The following SERPINA9 variants were observed in gnomAD, a reference collection of about 807,000 sequenced individuals.
SERPINA9 encodes the protein serpin A9.
SERPINA9 carries 32 observed loss-of-function variants against 24.5 expected under a neutral mutation model. The observed-to-expected ratio is 1.30, with a 90% CI of 0.98 to 1.75. The LOEUF (loss-of-function observed/expected upper bound fraction) is 1.75, where lower values mean the gene tolerates loss of function less well. SERPINA9 is among the 40% of genes most tolerant of loss of function. The probability of loss-of-function intolerance (pLI) is 0.00; values close to 1 mark genes in which losing one functional copy is unlikely to be tolerated. For missense variants in SERPINA9, 594 were observed against 497.1 expected (o/e 1.19, Z -1.85); for synonymous variants, 233 against 197.7 (o/e 1.18, Z -1.50).
chr14:94,467,340 T>C lies in SERPINA9; in HGVS notation c.671A>G (p.Asn224Ser), dbSNP rs1281746086. The change falls in exon 3 of 5, where the codon AAC (asparagine) becomes AGC (serine). Residue 224 changes from asparagine (N) to serine (S), a missense_variant. Asn to Ser is a conservative substitution (Grantham distance 46, BLOSUM62 1). Coordinates refer to ENST00000674397, the MANE Select transcript of SERPINA9 (RefSeq NM_175739.4). The stretch of plus-strand genomic sequence containing the variant: ...CTGCTCGCCCACCAGGAATGGGAAG[T>C]TCTTTCTTGTATATTCAGGGTGAAA... ...KPFHPEYTRK[N>S]FPFLVGEQVT... The C allele has an allele frequency of 6.2e-7, 1 of 1,613,852 alleles. No individual in the cohort carries two copies. The highest frequency in any genetic ancestry group is 1.3e-5 in the African/African-American group (1 of 75,042).
chr14:94,476,077 C>T, intron 1 of SERPINA9, 59 bp downstream of exon 1: 1 of 1,612,806 alleles, frequency 6.2e-7, no homozygotes, highest in East Asian at 2.2e-5. Context: ...TGATCCAGTC[C>T]TTCCCTCTGG....
chr14:94,474,599 C>T (rs996968316), intron 1 of SERPINA9, among the ~76,000 whole-genome samples: 2 of 152,208 alleles, frequency 1.3e-5, no homozygotes, highest in African/African-American at 2.4e-5. Context: ...TTGCTTCTCC[C>T]CACCCTGAAC....
chr14:94,473,382 G>T (rs1339502850), intron 1 of SERPINA9, among the ~76,000 whole-genome samples: 1 of 152,112 alleles, frequency 6.6e-6, no homozygotes, highest in Non-Finnish European at 1.5e-5. Context: ...AGCCAGGCTT[G>T]GTGGCGGGCA....
chr14:94,469,886 G>T, intron 1 of SERPINA9, 29 bp from the exon 2 acceptor site: 1 of 1,487,252 alleles, frequency 6.7e-7, no homozygotes. Flanking sequence ...CCATTGAGGG[G>T]GTAAACTGAG....
rs541685449 is a variant in SERPINA9, at chr14:94,464,939, C to T, written c.903-85G>A. The T allele has an allele frequency of 2.6e-4, 294 of 1,143,348 alleles. 3 individuals carry two copies. The South Asian group carries it at 3.7e-3, about 14-fold the overall frequency. The allele number at this position is 1,143,348 out of a possible 1,614,324, so 70.8% of individuals were successfully genotyped here. On this transcript the variant is annotated intron_variant, in intron 3 of 4. Coordinates refer to ENST00000674397, the MANE Select transcript of SERPINA9 (RefSeq NM_175739.4). ...TCCTAGATGCCATTTTGGGAGACTCCGTTCTTCCTCCAACCACTGCTAATT... is the reference window on the plus strand; with the variant it reads ...TCCTAGATGCCATTTTGGGAGACTCTGTTCTTCCTCCAACCACTGCTAATT...
chr14:94,473,312 A>G (rs1899416445), intron 1 of SERPINA9, among the ~76,000 whole-genome samples: 1 of 152,172 alleles, frequency 6.6e-6, no homozygotes, highest in Admixed American at 6.5e-5. Context: ...TGAGATCAGG[A>G]GTTCCAGACC....
chr14:94,471,393 T>G (rs955567917), intron 1 of SERPINA9, among the ~76,000 whole-genome samples: 1 of 152,208 alleles, frequency 6.6e-6, no homozygotes, highest in South Asian at 2.1e-4. Context: ...CACTTGTCTA[T>G]GTCAGACCAA....
chr14:94,462,875 G>A lies in SERPINA9; in HGVS notation c.*218C>T, dbSNP rs114497878. ...ACATCCCATGAAGCTAGTTACCTGG[G>A]AGAATTTGTGGAAAAGGGCACTGAC... On this transcript the variant is annotated 3_prime_UTR_variant, in exon 5 of 5. Coordinates refer to ENST00000674397, the MANE Select transcript of SERPINA9 (RefSeq NM_175739.4). 2.8e-3 allele frequency: 1,506 copies of A among 542,566 alleles called. 10 individuals carry two copies. Among genetic ancestry groups the A allele is most frequent in the African/African-American group, 0.022 (1,187 of 53,088 alleles). 33.6% of individuals were successfully genotyped at this position (542,566 alleles called of 1,614,324 possible). A position where few individuals can be genotyped will look rare whatever the true frequency, so the allele number is the denominator to read the frequency against.
At chr14:94,465,809 G>A (rs1370024774) in intron 3 of SERPINA9, among the ~76,000 whole-genome samples, 4 of 152,166 alleles carry the variant, frequency 2.6e-5, no homozygotes, top group African/African-American at 7.2e-5. Flanking sequence ...GATTACAGGC[G>A]TGAGTCCAGC....
At chr14:94,464,682 T>C (rs1450116121) in intron 4 of SERPINA9, 25 bp downstream of exon 4, 13 of 1,595,596 alleles carry the variant, frequency 8.1e-6, no homozygotes, top group Non-Finnish European at 1.1e-5. Context: ...TTGGACTTTT[T>C]TGCAAATATT....
At chr14:94,476,002 C>T (rs550442885) in intron 1 of SERPINA9, 134 bp downstream of exon 1, 2 of 1,378,250 alleles carry the variant, frequency 1.5e-6, no homozygotes, top group East Asian at 2.3e-5. Context: ...TAAAAGCCAA[C>T]TAATGTGTCT....
At chr14:94,466,867 ACTTACCC>A (rs1223730039) in intron 3 of SERPINA9, among the ~76,000 whole-genome samples, 2 of 152,182 alleles carry the variant, frequency 1.3e-5, no homozygotes, top group Non-Finnish European at 2.9e-5. Context: ...TGGGCAATTC[ACTTACCC>A]CTTGGAGCCT....
intron 4 of SERPINA9, 110 bp from the exon 5 acceptor site, chr14:94,463,406 G>A: frequency 2.2e-6 from 2 of 913,840 alleles, no homozygotes; most frequent in South Asian, 1.6e-5. Context: ...ACCTTGAAAG[G>A]ATTCAAGGTT....
chr14:94,474,180 C>T (rs1424075004), intron 1 of SERPINA9, among the ~76,000 whole-genome samples: 1 of 152,194 alleles, frequency 6.6e-6, no homozygotes, highest in African/African-American at 2.4e-5. Context: ...GGGGTCTGTG[C>T]CCCTTTCTGT....
intron 1 of SERPINA9, among the ~76,000 whole-genome samples, chr14:94,475,362 G>A (rs527387018): frequency 2.6e-5 from 4 of 152,154 alleles, no homozygotes; most frequent in South Asian, 2.1e-4. Context: ...TTATTCCAGG[G>A]TGGAATGGAT....
Position 94,463,114 on chromosome 14 carries a change from C to T in SERPINA9, c.1233G>A (p.Val411=). The T allele has an allele frequency of 3.7e-6, 6 of 1,614,116 alleles. No individual in the cohort carries two copies. The Admixed American group carries it at 5.0e-5, about 13-fold the overall frequency. ...CCACCTAGGATTTAGTGGGATTTTC[C>T]ACTTTCCCTAGAAAGAGAATACCGT... is the stretch of plus-strand genomic sequence containing the variant. ...ATDGILFLGK[V]ENPTKS The change falls in exon 5 of 5, where the codon GTG becomes GTA. Residue 411 remains valine (V), a synonymous_variant. Coordinates refer to ENST00000674397, the MANE Select transcript of SERPINA9 (RefSeq NM_175739.4).
At chr14:94,472,740 A>G (rs1343763768) in intron 1 of SERPINA9, among the ~76,000 whole-genome samples, 1 of 152,232 alleles carries the variant, frequency 6.6e-6, no homozygotes, top group East Asian at 1.9e-4. Context: ...CACCTATTCC[A>G]TAACAAGAAA....
rs760354488 is a variant in SERPINA9, at chr14:94,463,208, T to G, written c.1139A>C (p.Asp380Ala). The G allele has an allele frequency of 6.2e-7, 1 of 1,614,054 alleles. No homozygotes were observed. Among genetic ancestry groups the G allele is most frequent in the Non-Finnish European group, 8.5e-7 (1 of 1,179,998 alleles). Residue 380 changes from aspartate to alanine, a missense_variant, in exon 5 of 5, where the codon GAT (aspartate) becomes GCT (alanine). By Grantham distance (126) the Asp-to-Ala change is moderately radical (BLOSUM62 -2). Transcript: ENST00000674397. ...GGAGACAGTGAAGTAAGAGGGGCCA[T>G]CCTTCGATCGGACTATGAACTTGGT... ...TTTKFIVRSK[D>A]GPSYFTVSFN... is the part of the protein sequence containing the mutation.
chr14:94,475,953 C>T (rs1899619103), intron 1 of SERPINA9, 183 bp downstream of exon 1: 6 of 784,864 alleles, frequency 7.6e-6, no homozygotes, highest in South Asian at 1.8e-5. Flanking sequence ...CCACTCCAGC[C>T]TGGCTTCTGT....
Sources: gnomAD v4.1 joint callset for allele counts (sites outside exome capture counted in the v4.1 genomes callset) on GRCh38, gnomAD v4.1.1 for gene constraint, MANE v1.5 for transcripts, NCBI Gene and HGNC (gene_info 2026-07-23, HGNC 2026-07-21) for gene names.